RIN2: variants seen among roughly 807,000 people sequenced by gnomAD.
The protein encoded by RIN2 is RAB5 interacting protein 2.
RIN2 carries 36 observed loss-of-function variants against 78.0 expected under a neutral mutation model. That is an observed-to-expected ratio of 0.46 (90% CI 0.35 to 0.61). The LOEUF (loss-of-function observed/expected upper bound fraction) is 0.61. Ranked by LOEUF, RIN2 falls within the 20% of genes least tolerant of loss-of-function variation. The probability of loss-of-function intolerance (pLI) is 0.00; values close to 1 mark genes in which losing one functional copy is unlikely to be tolerated. For missense variants in RIN2, 1,087 were observed against 1,159.7 expected (o/e 0.94, Z 0.91); for synonymous variants, 466 against 466.8 (o/e 1.00, Z 0.02).
At chr20:19,857,652 T>C (rs995692318) in intron 2 of RIN2, among the ~76,000 whole-genome samples, 3 of 152,134 alleles carry the variant, frequency 2.0e-5, no homozygotes, top group African/African-American at 7.2e-5. Context: ...ATTTTACTTA[T>C]TCCAGAGGGT....
chr20:19,806,410 A>G (rs1335846621), intron 2 of RIN2, among the ~76,000 whole-genome samples: 1 of 152,230 alleles, frequency 6.6e-6, no homozygotes, highest in Non-Finnish European at 1.5e-5. Context: ...AATGATCGCC[A>G]TTCTAACTGG....
intron 3 of RIN2, among the ~76,000 whole-genome samples, chr20:19,892,646 G>A (rs1280305493): frequency 2.0e-5 from 3 of 152,170 alleles, no homozygotes; most frequent in African/African-American, 7.2e-5. Context: ...CAAACTGCTG[G>A]GATTACAGGC....
intron 7 of RIN2, 105 bp from the exon 8 acceptor site, chr20:19,970,733 G>A (rs1600992197): frequency 9.1e-6 from 8 of 880,118 alleles, no homozygotes; most frequent in Non-Finnish European, 1.5e-5. Flanking sequence ...GTCTACTTAG[G>A]ACATTTTAAA....
chr20:19,886,822 T>A (rs1421682175), intron 2 of RIN2: 2 of 1,242,946 alleles, frequency 1.6e-6, no homozygotes, highest in Non-Finnish European at 2.3e-6. Context: ...ACTGGGATGG[T>A]TTTAGGATGA....
At chr20:19,857,596 A>G (rs571969657) in intron 2 of RIN2, among the ~76,000 whole-genome samples, 6 of 152,220 alleles carry the variant, frequency 3.9e-5, no homozygotes, top group Non-Finnish European at 8.8e-5. Context: ...CACCAACACC[A>G]TATGAGAGTT....
In RIN2 at chr20:19,975,776, A is replaced by G. The variant is rs1275015268; in HGVS notation, c.1751A>G (p.Glu584Gly). 3 of 1,609,358 alleles carry G rather than the reference A, an allele frequency of 1.9e-6. No homozygotes were observed. Among genetic ancestry groups the G allele is most frequent in the Non-Finnish European group, 2.5e-6 (3 of 1,178,030 alleles). ...LDPPIESLIP[E>G]DQIDVVLEKA... is the part of the protein sequence containing the mutation. Reference sequence around the variant, plus strand: ...CCCCCCATCGAGTCGCTGATCCCTGAAGACCAAATAGGTAAGTACCCTCTT... The same window carrying G: ...CCCCCCATCGAGTCGCTGATCCCTGGAGACCAAATAGGTAAGTACCCTCTT... Residue 584 changes from glutamate (E) to glycine (G), a missense_variant, in exon 9 of 13, where the codon GAA becomes GGA. Coordinates refer to ENST00000255006, the MANE Select transcript of RIN2 (RefSeq NM_018993.4). The surrounding 1 kb of genome is among the most constrained non-coding windows in gnomAD (Gnocchi z 4.9).
intron 1 of RIN2, among the ~76,000 whole-genome samples, chr20:19,783,844 G>A (rs1190363992): frequency 6.6e-6 from 1 of 152,148 alleles, no homozygotes; most frequent in Non-Finnish European, 1.5e-5. Flanking sequence ...ACTGGGGTCT[G>A]GGAACTGATT....
At chr20:19,995,427 A>G (rs986277182) in intron 11 of RIN2, among the ~76,000 whole-genome samples, 7 of 152,302 alleles carry the variant, frequency 4.6e-5, no homozygotes, top group Middle Eastern at 3.4e-3. Context: ...GCTGTGCCCA[A>G]TTAGGGAATT....
At chr20:19,899,527 T>C (rs1041969419) in intron 3 of RIN2, among the ~76,000 whole-genome samples, 2 of 152,178 alleles carry the variant, frequency 1.3e-5, no homozygotes, top group Non-Finnish European at 2.9e-5. Flanking sequence ...TTTCTGTGGG[T>C]CAGAGATCTA....
chr20:19,788,366 AG>A (rs1326495311), intron 1 of RIN2, among the ~76,000 whole-genome samples: 1 of 149,950 alleles, frequency 6.7e-6, no homozygotes, highest in East Asian at 2.0e-4. Flanking sequence ...GGGCTGAGGC[AG>A]GCAGATCACT....
chr20:19,984,702 G>A (rs1260536759), intron 9 of RIN2, among the ~76,000 whole-genome samples: 1 of 152,178 alleles, frequency 6.6e-6, no homozygotes, highest in Non-Finnish European at 1.5e-5. Context: ...GGGAGATGGA[G>A]GTTGCAGTGA....
At chr20:19,813,907 TA>T (rs544812103) in intron 2 of RIN2, among the ~76,000 whole-genome samples, 39 of 152,332 alleles carry the variant, frequency 2.6e-4, no homozygotes, top group African/African-American at 9.1e-4. Context: ...GGAATCTTGA[TA>T]TCTGGAAATA....
chr20:19,919,015 G>A (rs1473436170), intron 3 of RIN2, among the ~76,000 whole-genome samples: 2 of 152,234 alleles, frequency 1.3e-5, no homozygotes, highest in Non-Finnish European at 2.9e-5. Context: ...CTGGGAGGCT[G>A]GAAGGCCCCG....
Position 19,956,729 on chromosome 20 carries a change from C to G in RIN2, c.273C>G (p.Leu91=). ...GGCTCAGCATCTTGGACCGGCTCCT[C>G]CACACCCACCCCATATGGCTGCAGC... The part of the protein sequence containing the change: ...SNRLSILDRL[L]HTHPIWLQLS... The change falls in exon 5 of 13, where the codon CTC becomes CTG. Residue 91 remains leucine (L), a synonymous_variant. Coordinates refer to ENST00000255006, the MANE Select transcript of RIN2 (RefSeq NM_018993.4). The G allele has an allele frequency of 6.2e-7, 1 of 1,610,230 alleles. No homozygotes were observed. Among genetic ancestry groups the G allele is most frequent in the South Asian group, 1.1e-5 (1 of 90,084 alleles).
At chr20:19,976,676 A>G (rs985454692) in intron 9 of RIN2, among the ~76,000 whole-genome samples, 7 of 152,200 alleles carry the variant, frequency 4.6e-5, no homozygotes, top group Admixed American at 3.9e-4. Context: ...TGACTCTTGA[A>G]GGTTAATTTC....
chr20:19,889,646 A>G lies in RIN2; in HGVS notation c.45A>G (p.Gly15=). The stretch of plus-strand genomic sequence containing the variant: ...GCGCCCGCGGTCTGGACAAGCGAGG[A>G]AGTTTCTTTAAGGTAAAAGGAAGCC... ...TMGARGLDKR[G]SFFKLIDTIA... The change falls in exon 3 of 13, where the codon GGA becomes GGG. Residue 15 remains glycine (G), a synonymous_variant. Transcript: ENST00000255006. The G allele has an allele frequency of 6.6e-7, 1 of 1,516,962 alleles. No homozygotes were observed. The highest frequency in any genetic ancestry group is 8.9e-7 in the Non-Finnish European group (1 of 1,128,470). The allele number at this position is 1,516,962 out of a possible 1,614,324, so 94.0% of individuals were successfully genotyped here.
At chr20:19,930,779 T>G (rs2040411237) in intron 3 of RIN2, among the ~76,000 whole-genome samples, 1 of 152,198 alleles carries the variant, frequency 6.6e-6, no homozygotes, top group African/African-American at 2.4e-5. Flanking sequence ...CCTTCCTTGC[T>G]TCTACCTTTT....
chr20:19,803,726 C>A (rs2035317422), intron 2 of RIN2, among the ~76,000 whole-genome samples: 3 of 152,132 alleles, frequency 2.0e-5, no homozygotes, highest in Admixed American at 6.5e-5. Context: ...TTTTTTAATT[C>A]TGTGAAGAAT....
intron 1 of RIN2, among the ~76,000 whole-genome samples, chr20:19,796,760 G>T (rs1364968952): frequency 6.6e-6 from 1 of 152,164 alleles, no homozygotes; most frequent in African/African-American, 2.4e-5. Flanking sequence ...GTGCAGCCAG[G>T]TTGGAGAATC....
Sources: gnomAD v4.1 joint callset for allele counts (sites outside exome capture counted in the v4.1 genomes callset) on GRCh38, gnomAD v4.1.1 for gene constraint, Gnocchi (gnomAD v3.1) non-coding constraint, MANE v1.5 for transcripts, NCBI Gene and HGNC (gene_info 2026-07-23, HGNC 2026-07-21) for gene names.